DYNC2H1: variants seen among roughly 807,000 people sequenced by gnomAD.
The protein encoded by DYNC2H1 is cytoplasmic dynein 2 heavy chain 1.
A neutral mutation model predicts 570.0 loss-of-function variants in DYNC2H1; 410 were observed. The observed-to-expected ratio is 0.72, with a 90% CI of 0.66 to 0.78. The LOEUF is 0.78. Among genes scored for constraint, DYNC2H1 ranks in the 30% least tolerant of loss-of-function variants. The pLI is 0.00. For synonymous variants in DYNC2H1, 1,688 were observed against 1,677.6 expected (o/e 1.01, Z -0.15); for missense variants, 4,865 against 5,046.4 (o/e 0.96, Z 1.09).
chr11:103,265,412 T>C (rs572447773), intron 70 of DYNC2H1, among the ~76,000 whole-genome samples: 3 of 152,304 alleles, frequency 2.0e-5, no homozygotes, highest in African/African-American at 7.2e-5. Flanking sequence ...GTCTTCAAGC[T>C]CTCAGATTCT....
At chr11:103,191,079 G>A (rs544967124) in intron 45 of DYNC2H1, among the ~76,000 whole-genome samples, 7 of 132,222 alleles carry the variant, frequency 5.3e-5, no homozygotes, top group East Asian at 2.2e-4. Flanking sequence ...TCGCTTTGTC[G>A]CCCAGGTTGT....
chr11:103,450,435 T>C (rs1944559956), intron 85 of DYNC2H1, among the ~76,000 whole-genome samples: 1 of 152,212 alleles, frequency 6.6e-6, no homozygotes, highest in South Asian at 2.1e-4. Flanking sequence ...TCACATTCTG[T>C]GCCATACAGC....
At chr11:103,413,029 G>A (rs1242075173) in intron 84 of DYNC2H1, among the ~76,000 whole-genome samples, 1 of 152,036 alleles carries the variant, frequency 6.6e-6, no homozygotes, top group Non-Finnish European at 1.5e-5. Flanking sequence ...CCAGACTACT[G>A]AATCAGAAAC....
intron 82 of DYNC2H1, among the ~76,000 whole-genome samples, chr11:103,341,728 C>T (rs313422): frequency 0.33 from 49,978 of 152,050 alleles, 9,686 homozygotes; most frequent in Non-Finnish European, 0.43. Flanking sequence ...AGTCACATTT[C>T]TCATTTGACT....
intron 84 of DYNC2H1, chr11:103,407,231 G>A (rs2135673076): frequency 6.6e-6 from 1 of 151,954 alleles, no homozygotes; most frequent in African/African-American, 2.4e-5. Context: ...AAGTTGGGCT[G>A]GTGGATTAAT....
Position 103,172,591 on chromosome 11 carries a change from C to T in DYNC2H1, c.5335-491C>T, listed in dbSNP as rs539561465. ...TCTTAGGGTTTTGCTGAAAATCCTC[C>T]TACTAAGTGCTGTTATCACATTCAG... On this transcript the variant is annotated intron_variant, in intron 34 of 88. Transcript: ENST00000375735. 3.3e-5 allele frequency among the ~76,000 whole-genome samples: 5 copies of T among 152,050 alleles called. No homozygotes were observed. The East Asian group carries it at 9.7e-4, about 29-fold the overall frequency.
intron 70 of DYNC2H1, among the ~76,000 whole-genome samples, chr11:103,274,311 G>A (rs1865825169): frequency 6.6e-6 from 1 of 152,014 alleles, no homozygotes; most frequent in African/African-American, 2.4e-5. Flanking sequence ...AGTAAGCTAT[G>A]ATCACACTAC....
chr11:103,260,012 TACTTGTTCTGTGATTTAACGTA>T, intron 70 of DYNC2H1, 35 bp downstream of exon 70: 2 of 1,215,642 alleles, frequency 1.6e-6, no homozygotes, highest in Non-Finnish European at 2.3e-6. Context: ...TATAAAATAC[TACTTGTTCTGTGATTTAACGTA>T]ATATTTATAG....
intron 83 of DYNC2H1, among the ~76,000 whole-genome samples, chr11:103,380,163 A>G (rs1405775894): frequency 6.6e-6 from 1 of 152,218 alleles, no homozygotes; most frequent in Non-Finnish European, 1.5e-5. Context: ...ATCTTTTCCC[A>G]TTAAGTATTT....
In DYNC2H1 at chr11:103,204,866, A is replaced by G; in HGVS notation, c.8356A>G (p.Asn2786Asp). The G allele has an allele frequency of 6.3e-7, 1 of 1,590,420 alleles. No individual in the cohort carries two copies. The highest frequency in any genetic ancestry group is 1.3e-5 in the African/African-American group (1 of 74,474). The change falls in exon 52 of 89, where the codon AAT becomes GAT. Residue 2786 changes from asparagine to aspartate, a missense_variant. Around this residue, in one of 5 missense-constraint regions of DYNC2H1, gnomAD observed 2,401 missense variants for 2,454.6 expected, o/e 0.98. Coordinates refer to ENST00000375735, the MANE Select transcript of DYNC2H1 (RefSeq NM_001377.3). This position sits in a 1 kb window ranked among gnomAD's most constrained non-coding sequence, Gnocchi z 4.1. Reference sequence around the variant, plus strand: ...TATTGTCTTGATAATGGATTCTGCAAATTCAAACTTCATGATAAACTGTGA... The same window carrying G: ...TATTGTCTTGATAATGGATTCTGCAGATTCAAACTTCATGATAAACTGTGA... Reference protein sequence around the residue: ...LHIVLIMDSANSNFMINCESN... With the variant: ...LHIVLIMDSADSNFMINCESN...
intron 84 of DYNC2H1, chr11:103,403,001 G>C (rs1366066935): frequency 1.3e-5 from 2 of 152,056 alleles, no homozygotes; most frequent in Non-Finnish European, 2.9e-5. Context: ...AAATGAGTAG[G>C]GTAGAAGCCC....
chr11:103,143,526 G>C, intron 18 of DYNC2H1, 131 bp downstream of exon 18: 1 of 895,958 alleles, frequency 1.1e-6, no homozygotes, highest in Non-Finnish European at 1.6e-6. Flanking sequence ...TATGACACTT[G>C]AGTATCATCT....
At chr11:103,358,403 G>T (rs545497000) in intron 83 of DYNC2H1, 44 bp downstream of exon 83, 13 of 1,324,324 alleles carry the variant, frequency 9.8e-6, no homozygotes, top group Admixed American at 2.0e-5. Flanking sequence ...TTTTTCTCCC[G>T]CATCGTAACC....
rs150887098 is a variant in DYNC2H1, at chr11:103,176,255, G to A, written c.5695G>A (p.Val1899Ile). 5.5e-4 allele frequency: 837 copies of A among 1,517,200 alleles called. 2 individuals carry two copies. The highest frequency in any genetic ancestry group is 2.7e-3 in the Middle Eastern group (16 of 5,898). The allele number at this position is 1,517,200 out of a possible 1,614,324, so 94.0% of individuals were successfully genotyped here. The part of the protein sequence containing the change: ...TQNANESHIV[V>I]QALRLNTMSK... ...TCTAGCTAATGAAAGTCATATTGTG[G>A]TACAAGCACTGAGGCTTAATACCAT... is the stretch of plus-strand genomic sequence containing the variant. Residue 1899 changes from valine (V) to isoleucine (I), a missense_variant, in exon 37 of 89, where the codon GTA becomes ATA. Transcript: ENST00000375735.
rs533681515 is a variant in DYNC2H1 at position 103,230,069 on chromosome 11, A to G, written c.9354-1191A>G. ...GGGGAGGGGACAGTAAGCCCTCGCA[A>G]TCTCTGTTTTGACAGGTAATTTTGG... is the stretch of plus-strand genomic sequence containing the variant. On this transcript the variant is annotated intron_variant, in intron 59 of 88. Transcript: ENST00000375735. Among the ~76,000 whole-genome samples, 4 of 152,242 alleles carry G rather than the reference A, an allele frequency of 2.6e-5. No homozygotes were observed. In the East Asian group the frequency reaches 5.8e-4, roughly 22 times the overall value.
At position 103,125,157 on chromosome 11, in the gene DYNC2H1, G is replaced by A; in HGVS notation, c.1719G>A (p.Val573=). 6.2e-7 allele frequency: 1 copy of A among 1,613,620 alleles called. No individual in the cohort carries two copies. Among genetic ancestry groups the A allele is most frequent in the Non-Finnish European group, 8.5e-7 (1 of 1,179,756 alleles). The part of the protein sequence containing the change: ...ELDSNDGLLK[V]HYSDRLVILL... ...ATTCTAATGATGGATTACTAAAAGT[G>A]CATTATTCAGATCGTTTGGTGATTC... The change falls in exon 12 of 89, where the codon GTG becomes GTA. Residue 573 remains valine, a synonymous_variant. Transcript: ENST00000375735.
At chr11:103,282,154 G>A (rs369218507) in intron 71 of DYNC2H1, 25 bp from the exon 72 acceptor site, 267 of 1,594,358 alleles carry the variant, frequency 1.7e-4, no homozygotes, top group Non-Finnish European at 2.1e-4. Flanking sequence ...TTATATTTTT[G>A]TGTTCCTATA....
At position 103,425,465 on chromosome 11, in the gene DYNC2H1, G is replaced by A. The variant is rs539475124; in HGVS notation, c.12367-10478G>A. On this transcript the variant is annotated intron_variant, in intron 84 of 88. Coordinates refer to ENST00000375735, the MANE Select transcript of DYNC2H1 (RefSeq NM_001377.3). ...AGCTCTCTAACCTCTTATTATAAGA[G>A]CATTAATCCCATTTATGAGGGTGAA... Among the ~76,000 whole-genome samples the A allele has an allele frequency of 3.7e-4, 57 of 152,060 alleles. No individual in the cohort carries two copies. The South Asian group carries it at 0.012, about 32-fold the overall frequency.
intron 84 of DYNC2H1, among the ~76,000 whole-genome samples, chr11:103,422,104 A>C (rs926728149): frequency 1.3e-5 from 2 of 152,154 alleles, no homozygotes; most frequent in African/African-American, 4.8e-5. Flanking sequence ...GAAATGGATA[A>C]ATTCCTGGAC....
Sources: gnomAD v4.1 joint callset for allele counts (sites outside exome capture counted in the v4.1 genomes callset) on GRCh38, gnomAD v4.1.1 for gene constraint, gnomAD v4.1.1 regional missense constraint, Gnocchi (gnomAD v3.1) non-coding constraint, MANE v1.5 for transcripts, NCBI Gene and HGNC (gene_info 2026-07-23, HGNC 2026-07-21) for gene names.